Variants in CERS3 observed in about 807,000 individuals in gnomAD.
CERS3 encodes the protein ceramide synthase 3.
In CERS3, 33 loss-of-function variants were observed where a neutral mutation model predicts 50.3. That is an observed-to-expected ratio of 0.66 (90% CI 0.50 to 0.88). The LOEUF (loss-of-function observed/expected upper bound fraction) is 0.88, where lower values mean the gene tolerates loss of function less well. CERS3 is among the 40% of genes least tolerant of loss of function. The probability of loss-of-function intolerance (pLI) is 0.00; values close to 1 mark genes in which losing one functional copy is unlikely to be tolerated. For missense variants in CERS3, 470 were observed against 460.3 expected (o/e 1.02, Z -0.19); for synonymous variants, 176 against 155.2 (o/e 1.13, Z -0.99).
intron 11 of CERS3, among the ~76,000 whole-genome samples, chr15:100,450,416 C>CAAAAAAAAAAAAAAA (rs34873483): frequency 3.2e-5 from 2 of 63,428 alleles, no homozygotes; most frequent in Admixed American, 4.3e-4. Flanking sequence ...GACTCTGTCT[C>CAAAAAAAAAAAAAAA]AAAAAAAAAA....
intron 11 of CERS3, among the ~76,000 whole-genome samples, chr15:100,417,944 C>T (rs1417857951): frequency 2.6e-5 from 4 of 152,084 alleles, no homozygotes; most frequent in Non-Finnish European, 5.9e-5. Flanking sequence ...TCACCATCAT[C>T]AAAGACCAAA....
Position 100,420,109 on chromosome 15 carries a change from C to T in CERS3, c.1000-17244G>A, listed in dbSNP as rs1363512355. Among the ~76,000 whole-genome samples, 701 of 147,724 alleles carry T rather than the reference C, an allele frequency of 4.7e-3. 6 individuals are homozygous for T. The highest frequency in any genetic ancestry group is 0.017 in the African/African-American group (668 of 39,960). On this transcript the variant is annotated intron_variant, in intron 11 of 11. Transcript: ENST00000679737. ...AGCAGAACTGAAGGAAATAGAGACA[C>T]AAAAACCCTTCAAAAAATTAATGAA...
Position 100,456,022 on chromosome 15 carries a change from C to G in CERS3, c.870G>C (p.Leu290Phe). Residue 290 changes from leucine to phenylalanine, a missense_variant, in exon 11 of 12, where the codon TTG (leucine) becomes TTC (phenylalanine). Physicochemically the swap from Leu to Phe is conservative, Grantham distance 22. Coordinates refer to ENST00000679737, the MANE Select transcript of CERS3 (RefSeq NM_001378789.1). ...PFWILYCTLI[L>F]PMYHLEPFFS... Reference sequence around the variant, plus strand: ...AGAAAGGCTCGAGGTGATACATAGGCAAGATCAGCGTGCAATATAAAATCC... The same window carrying G: ...AGAAAGGCTCGAGGTGATACATAGGGAAGATCAGCGTGCAATATAAAATCC... 1.9e-6 allele frequency: 3 copies of G among 1,611,266 alleles called. No homozygotes were observed. Among genetic ancestry groups the G allele is most frequent in the Middle Eastern group, 1.7e-4 (1 of 6,048 alleles).
chr15:100,506,526 T>G (rs903612942), intron 2 of CERS3, among the ~76,000 whole-genome samples: 1 of 130,076 alleles, frequency 7.7e-6, no homozygotes, highest in Admixed American at 8.8e-5. Flanking sequence ...AAGGTGCCAC[T>G]GCCATGGAAA....
At chr15:100,468,618 C>T (rs1489861333) in intron 10 of CERS3, among the ~76,000 whole-genome samples, 1 of 152,104 alleles carries the variant, frequency 6.6e-6, no homozygotes, top group Non-Finnish European at 1.5e-5. Context: ...TCCCAAGTTC[C>T]CAGACTAGCC....
chr15:100,532,123 A>G (rs2036952283), upstream of CERS3, among the ~76,000 whole-genome samples: 1 of 152,166 alleles, frequency 6.6e-6, no homozygotes, highest in Non-Finnish European at 1.5e-5. Context: ...GCAGCAAGAC[A>G]CAGTGCCAAA....
At chr15:100,427,787 G>A (rs1596641776) in intron 11 of CERS3, among the ~76,000 whole-genome samples, 1 of 152,322 alleles carries the variant, frequency 6.6e-6, no homozygotes. Context: ...GATGGCTTGA[G>A]CTAGAAACAA....
intron 2 of CERS3, among the ~76,000 whole-genome samples, chr15:100,517,642 T>C (rs1174122932): frequency 2.6e-5 from 4 of 152,210 alleles, no homozygotes; most frequent in Non-Finnish European, 4.4e-5. Context: ...GGTACACTGA[T>C]GAAGCAAGCT....
At chr15:100,431,012 T>C (rs2033104752) in intron 11 of CERS3, among the ~76,000 whole-genome samples, 1 of 152,194 alleles carries the variant, frequency 6.6e-6, no homozygotes, top group South Asian at 2.1e-4. Context: ...CAGATTCTCA[T>C]GCTGGAGGTC....
chr15:100,405,119 C>T (rs2165758), intron 11 of CERS3, among the ~76,000 whole-genome samples: 143,021 of 152,038 alleles, frequency 0.94, 67,943 homozygotes, highest in East Asian at 1. Flanking sequence ...AAACTTTTGC[C>T]CTAAGACAGA....
At chr15:100,541,622 G>A (rs755139405) in intron 1 of CERS3, among the ~76,000 whole-genome samples, 15 of 152,184 alleles carry the variant, frequency 9.9e-5, no homozygotes, top group Non-Finnish European at 1.6e-4. Context: ...CTGTTTCTTT[G>A]TTGGGTGCTG....
intron 11 of CERS3, among the ~76,000 whole-genome samples, chr15:100,444,986 A>G (rs937421878): frequency 2.0e-5 from 3 of 152,034 alleles, no homozygotes; most frequent in East Asian, 1.9e-4. Flanking sequence ...TATCCCTTAC[A>G]GTCCTCAGTC....
At chr15:100,425,404 A>T (rs923175388) in intron 11 of CERS3, among the ~76,000 whole-genome samples, 1 of 152,202 alleles carries the variant, frequency 6.6e-6, no homozygotes, top group African/African-American at 2.4e-5. Context: ...TTAGGAGCCC[A>T]CCCCTAGTAT....
chr15:100,492,628 T>C (rs2035687880), intron 3 of CERS3, among the ~76,000 whole-genome samples: 1 of 152,238 alleles, frequency 6.6e-6, no homozygotes, highest in South Asian at 2.1e-4. Flanking sequence ...GGACAACATA[T>C]AGTTGGATCG....
intron 2 of CERS3, among the ~76,000 whole-genome samples, chr15:100,516,062 G>A (rs527759518): frequency 6.6e-6 from 1 of 152,134 alleles, no homozygotes; most frequent in African/African-American, 2.4e-5. Context: ...TTAGTCACCT[G>A]GTTCTGTCTC....
chr15:100,500,601 C>T (rs1171515306), intron 3 of CERS3: 2 of 152,224 alleles, frequency 1.3e-5, no homozygotes, highest in African/African-American at 4.8e-5. Context: ...AATTCTTCTA[C>T]TTTATTTATG....
At chr15:100,506,087 C>T (rs957933670) in intron 2 of CERS3, among the ~76,000 whole-genome samples, 7 of 89,696 alleles carry the variant, frequency 7.8e-5, no homozygotes, top group Non-Finnish European at 1.9e-4. Context: ...AACAAACAAA[C>T]AAACAATCAA....
intron 11 of CERS3, among the ~76,000 whole-genome samples, chr15:100,424,091 A>C (rs1414372110): frequency 6.6e-6 from 1 of 151,960 alleles, no homozygotes; most frequent in Non-Finnish European, 1.5e-5. Flanking sequence ...ACAGGTATGC[A>C]CCACCATGCT....
chr15:100,518,787 T>C (rs2036563177), intron 2 of CERS3, among the ~76,000 whole-genome samples: 1 of 152,228 alleles, frequency 6.6e-6, no homozygotes, highest in African/African-American at 2.4e-5. Context: ...TTCTGCTCTA[T>C]TGATCTTCAT....
Sources: gnomAD v4.1 joint callset for allele counts (sites outside exome capture counted in the v4.1 genomes callset) on GRCh38, gnomAD v4.1.1 for gene constraint, MANE v1.5 for transcripts, NCBI Gene and HGNC (gene_info 2026-07-23, HGNC 2026-07-21) for gene names.